Variants in R3HDM2 observed in about 807,000 individuals in gnomAD.
R3HDM2 encodes the protein R3H domain containing 2.
R3HDM2 carries 38 observed loss-of-function variants against 124.5 expected under a neutral mutation model. The ratio of observed to expected loss-of-function variants is 0.31; its 90% CI spans 0.24 to 0.40. R3HDM2 has a LOEUF of 0.40. R3HDM2 is among the 10% of genes least tolerant of loss of function. R3HDM2 has a pLI of 1.00. For missense variants in R3HDM2, 869 were observed against 1,236.9 expected (o/e 0.70, Z 4.46); for synonymous variants, 391 against 448.0 (o/e 0.87, Z 1.61).
chr12:57,257,082 G>T (rs1182676500), intron 21 of R3HDM2, among the ~76,000 whole-genome samples: 1 of 152,088 alleles, frequency 6.6e-6, no homozygotes, highest in Non-Finnish European at 1.5e-5. Flanking sequence ...GGCTCCCAAA[G>T]TGCTGGGATT....
intron 17 of R3HDM2, 28 bp from the exon 18 acceptor site, chr12:57,268,485 C>A (rs1373660312): frequency 6.2e-7 from 1 of 1,611,734 alleles, no homozygotes; most frequent in East Asian, 2.2e-5. Flanking sequence ...GAGAAAGAAT[C>A]ACATTCGCAT....
intron 2 of R3HDM2, among the ~76,000 whole-genome samples, chr12:57,348,323 T>C (rs1446622511): frequency 6.6e-6 from 1 of 151,438 alleles, no homozygotes; most frequent in Non-Finnish European, 1.5e-5. Context: ...TCCCAACACT[T>C]TGGGAGGCCA....
chr12:57,296,752 T>A lies in R3HDM2; in HGVS notation c.561-201A>T. On this transcript the variant is annotated intron_variant, in intron 8 of 23. Coordinates refer to ENST00000402412, the MANE Select transcript of R3HDM2 (RefSeq NM_001394031.1). This position sits in a 1 kb window ranked among gnomAD's most constrained non-coding sequence, Gnocchi z 4.5. ...ATCTACAGTATTCTGCAGATTACTA[T>A]GACCTACTTTCCTCATTAAGACTAC... The A allele has an allele frequency of 1.8e-6, 1 of 566,664 alleles. No homozygotes were observed. The highest frequency in any genetic ancestry group is 3.2e-5 in the East Asian group (1 of 31,508). 35.1% of individuals were successfully genotyped at this position (566,664 alleles called of 1,614,324 possible). A position where few individuals can be genotyped will look rare whatever the true frequency, so the allele number is the denominator to read the frequency against.
intron 1 of R3HDM2, among the ~76,000 whole-genome samples, chr12:57,427,159 C>T (rs775416697): frequency 7.2e-4 from 109 of 151,684 alleles, no homozygotes; most frequent in African/African-American, 1.6e-3. Context: ...GACGTGGTGG[C>T]GCGTGCCTGT....
chr12:57,320,058 A>G (rs1367438293), intron 2 of R3HDM2, among the ~76,000 whole-genome samples: 1 of 151,986 alleles, frequency 6.6e-6, no homozygotes, highest in Non-Finnish European at 1.5e-5. Context: ...CAGGAGTTTG[A>G]GATGAGCCTG....
intron 15 of R3HDM2, 144 bp from the exon 16 acceptor site, chr12:57,269,593 T>A: frequency 6.9e-7 from 1 of 1,448,678 alleles, no homozygotes; most frequent in Non-Finnish European, 9.3e-7. Flanking sequence ...AAACAAGGAT[T>A]TATGTTATAT....
chr12:57,423,072 G>A (rs1039972623), intron 1 of R3HDM2, among the ~76,000 whole-genome samples: 1 of 152,146 alleles, frequency 6.6e-6, no homozygotes, highest in Non-Finnish European at 1.5e-5. Context: ...ATTTGAAGAA[G>A]GAGAGGGGTC....
At chr12:57,414,986 A>C (rs1455211713) in intron 1 of R3HDM2, among the ~76,000 whole-genome samples, 2 of 152,182 alleles carry the variant, frequency 1.3e-5, no homozygotes, top group Non-Finnish European at 2.9e-5. Context: ...TTGTTGTGCC[A>C]GAGTGTAAGG....
At chr12:57,361,783 A>T (rs2061996587) in intron 2 of R3HDM2, among the ~76,000 whole-genome samples, 2 of 152,246 alleles carry the variant, frequency 1.3e-5, no homozygotes, top group African/African-American at 2.4e-5. Flanking sequence ...AAGGTGAAGG[A>T]TCTAAAGCTA....
At chr12:57,395,843 AAAC>A (rs1413298282) in intron 1 of R3HDM2, 25 bp from the exon 2 acceptor site, 1 of 973,630 alleles carries the variant, frequency 1.0e-6, no homozygotes, top group Non-Finnish European at 1.2e-6. Context: ...GGAAAAAAAA[AAAC>A]AAGTTAAAAG....
At chr12:57,370,410 C>T (rs11172187) in intron 2 of R3HDM2, among the ~76,000 whole-genome samples, 3 of 67,080 alleles carry the variant, frequency 4.5e-5, no homozygotes, top group Non-Finnish European at 6.1e-5. Flanking sequence ...GGGGGGGGGG[C>T]GGGGTGGATC....
intron 1 of R3HDM2, among the ~76,000 whole-genome samples, chr12:57,427,688 C>T (rs185981850): frequency 1.1e-3 from 162 of 150,214 alleles, no homozygotes; most frequent in East Asian, 1.4e-3. Flanking sequence ...ATATATAATA[C>T]GTTATAGGTT....
chr12:57,277,582 G>T (rs1206997835), intron 14 of R3HDM2, among the ~76,000 whole-genome samples: 4 of 152,076 alleles, frequency 2.6e-5, no homozygotes, highest in African/African-American at 9.7e-5. Context: ...CAAGAAGCTG[G>T]GATTACAGAT....
chr12:57,343,459 G>A (rs946125855), intron 2 of R3HDM2, among the ~76,000 whole-genome samples: 1 of 151,918 alleles, frequency 6.6e-6, no homozygotes, highest in Non-Finnish European at 1.5e-5. Flanking sequence ...AAAATGCTGG[G>A]ATTACAGACG....
chr12:57,368,742 G>T (rs941722142), intron 2 of R3HDM2, among the ~76,000 whole-genome samples: 1 of 152,128 alleles, frequency 6.6e-6, no homozygotes, highest in Non-Finnish European at 1.5e-5. Flanking sequence ...CCTGGACTTT[G>T]CCCATATATC....
chr12:57,385,464 G>T (rs374284644), intron 2 of R3HDM2, among the ~76,000 whole-genome samples: 1 of 151,762 alleles, frequency 6.6e-6, no homozygotes, highest in Non-Finnish European at 1.5e-5. Context: ...GAATGGTCTC[G>T]ATCTCCTGAC....
rs568198069 is a variant in R3HDM2 at position 57,318,845 on chromosome 12, C to CA, written c.-35-8383dup. Reference sequence around the variant, plus strand: ...CTTACTATTATCACCATTTTACAGACAAGTAAACTGAGGCACAGAGAAGTT... The same window carrying CA: ...CTTACTATTATCACCATTTTACAGACAAAGTAAACTGAGGCACAGAGAAGTT... On this transcript the variant is annotated intron_variant, in intron 2 of 23. Transcript: ENST00000402412. Among the ~76,000 whole-genome samples, 582 of 152,258 alleles carry CA rather than the reference C, an allele frequency of 3.8e-3. 2 individuals carry two copies. Among genetic ancestry groups the CA allele is most frequent in the Non-Finnish European group, 6.9e-3 (467 of 68,036 alleles).
intron 3 of R3HDM2, among the ~76,000 whole-genome samples, chr12:57,307,819 G>T (rs1281974218): frequency 6.6e-6 from 1 of 151,814 alleles, no homozygotes; most frequent in Non-Finnish European, 1.5e-5. Context: ...GCTGATGAAG[G>T]GGTAAATGGT....
At position 57,253,788 on chromosome 12, in the gene R3HDM2, T is replaced by A. The variant is rs1054446152; in HGVS notation, c.*985A>T. Reference sequence around the variant, plus strand: ...GTCCAGTGACAGATTTTTTTTTTTATATTTAAAAACAAAACCAACCTCCCC... The same window carrying A: ...GTCCAGTGACAGATTTTTTTTTTTAAATTTAAAAACAAAACCAACCTCCCC... On this transcript the variant is annotated 3_prime_UTR_variant, in exon 24 of 24. Coordinates refer to ENST00000402412, the MANE Select transcript of R3HDM2 (RefSeq NM_001394031.1). The A allele has an allele frequency of 5.5e-6, 1 of 181,216 alleles. No homozygotes were observed. The highest frequency in any genetic ancestry group is 2.4e-5 in the African/African-American group (1 of 41,514). 11.2% of individuals were successfully genotyped at this position (181,216 alleles called of 1,614,324 possible). A position where few individuals can be genotyped will look rare whatever the true frequency, so the allele number is the denominator to read the frequency against.
Sources: gnomAD v4.1 joint callset for allele counts (sites outside exome capture counted in the v4.1 genomes callset) on GRCh38, gnomAD v4.1.1 for gene constraint, Gnocchi (gnomAD v3.1) non-coding constraint, MANE v1.5 for transcripts, NCBI Gene and HGNC (gene_info 2026-07-23, HGNC 2026-07-21) for gene names.